GCSAM: variants seen among roughly 807,000 people sequenced by gnomAD.
GCSAM encodes the protein germinal center associated signaling and motility, also known as germinal center-associated signaling and motility protein.
GCSAM carries 8 observed loss-of-function variants against 17.6 expected under a neutral mutation model. That is an observed-to-expected ratio of 0.46 (90% confidence interval 0.27 to 0.82). The LOEUF is 0.82. GCSAM is among the 40% of genes least tolerant of loss of function. The pLI, the probability that GCSAM is intolerant of heterozygous loss-of-function variation, is 0.15. For missense variants in GCSAM, 192 were observed against 213.5 expected, an observed-to-expected ratio of 0.90 and a Z score of 0.63; for synonymous variants, 68 against 69.0, an observed-to-expected ratio of 0.98 and a Z score of 0.07.
intron 2 of GCSAM, 52 bp from the exon 3 acceptor site, chr3:112,128,113 G>A (rs370840712): frequency 1.2e-5 from 19 of 1,531,522 alleles, no homozygotes; most frequent in Middle Eastern, 3.4e-4. Flanking sequence ...CTGCAGCTTT[G>A]TTAAGGTGAC....
chr3:112,126,203 G>C (rs1398040289), intron 4 of GCSAM, among the ~76,000 whole-genome samples: 1 of 152,212 alleles, frequency 6.6e-6, no homozygotes, highest in Non-Finnish European at 1.5e-5. Flanking sequence ...CTGGAGTGAA[G>C]TGGCTAGGGT....
intron 1 of GCSAM, chr3:112,132,748 G>A (rs2074487435): frequency 1.2e-5 from 8 of 691,440 alleles, no homozygotes; most frequent in South Asian, 6.4e-5. Context: ...ACCTCCTTGT[G>A]GAGCATGAGG....
At chr3:112,124,683 CTA>C (rs1404878805) in intron 5 of GCSAM, among the ~76,000 whole-genome samples, 1 of 152,098 alleles carries the variant, frequency 6.6e-6, no homozygotes, top group Non-Finnish European at 1.5e-5. Flanking sequence ...TAATTACCCT[CTA>C]GAGATATTTA....
chr3:112,130,550 C>G (rs2074429339), intron 1 of GCSAM, 37 bp from the exon 2 acceptor site: 2 of 1,543,486 alleles, frequency 1.3e-6, no homozygotes, highest in Admixed American at 3.3e-5. Context: ...CTAAGTATTT[C>G]CTAAACAGGC....
intron 3 of GCSAM, 45 bp downstream of exon 3, chr3:112,127,972 A>T (rs1314202292): frequency 6.4e-7 from 1 of 1,566,608 alleles, no homozygotes; most frequent in Admixed American, 1.7e-5. Flanking sequence ...ACCACATTGA[A>T]ACCACACTTA....
Position 112,123,738 on chromosome 3 carries a change from C to T in GCSAM, c.254G>A (p.Cys85Tyr), listed in dbSNP as rs2074247551. The T allele has an allele frequency of 6.2e-7, 1 of 1,613,894 alleles. No homozygotes were observed. Among genetic ancestry groups the T allele is most frequent in the African/African-American group, 1.3e-5 (1 of 74,916 alleles). The part of the protein sequence containing the change: ...NVDQTYSEEL[C>Y]YTLINHRVLC... ...AACCCGATGATTGATGAGGGTATAGCACAGCTCCTCTGAGTAGGTCTGGTC... is the reference window on the plus strand; with the variant it reads ...AACCCGATGATTGATGAGGGTATAGTACAGCTCCTCTGAGTAGGTCTGGTC... The change falls in exon 6 of 6, where the codon TGC (cysteine) becomes TAC (tyrosine). Residue 85 changes from cysteine to tyrosine, a missense_variant. Transcript: ENST00000308910.
At chr3:112,128,652 G>T (rs1030694933) in intron 2 of GCSAM, 2 of 182,194 alleles carry the variant, frequency 1.1e-5, no homozygotes, top group Non-Finnish European at 2.3e-5. Flanking sequence ...TATGAATACA[G>T]AATGAATAGC....
rs1034043718 is a variant in GCSAM, at chr3:112,128,022, A to G, written c.138T>C (p.Leu46=). 2 of 1,613,554 alleles carry G rather than the reference A, an allele frequency of 1.2e-6. No individual in the cohort carries two copies. Among genetic ancestry groups the G allele is most frequent in the Non-Finnish European group, 1.7e-6 (2 of 1,179,526 alleles). The part of the protein sequence containing the change: ...DHHIAEGCFC[L]PWKKILIFEK... The stretch of plus-strand genomic sequence containing the variant: ...AAAAACAACTGTCCACTCACCATGG[A>G]AGGCAGAAACACCCTTCAGCGATAT... Residue 46 remains leucine, a synonymous_variant, in exon 3 of 6, where the codon CTT becomes CTC. Coordinates refer to ENST00000308910, the MANE Select transcript of GCSAM (RefSeq NM_152785.5).
At chr3:112,132,801 T>G in intron 1 of GCSAM, 1 of 405,336 alleles carries the variant, frequency 2.5e-6, no homozygotes. Context: ...AGAAAGTTGT[T>G]TCATTTCTTA....
Position 112,133,176 on chromosome 3 carries a change from T to G in GCSAM, c.-56A>C. 1 of 1,598,854 alleles carries G rather than the reference T, an allele frequency of 6.3e-7. No homozygotes were observed. The highest frequency in any genetic ancestry group is 8.6e-7 in the Non-Finnish European group (1 of 1,166,248). On this transcript the variant is annotated 5_prime_UTR_variant, in exon 1 of 6. Transcript: ENST00000308910. ...TCCCTTTACCACTTCCTTCTTGCCTTGTGCTCTGACAGGGCAACTCCTGAC... is the reference window on the plus strand; with the variant it reads ...TCCCTTTACCACTTCCTTCTTGCCTGGTGCTCTGACAGGGCAACTCCTGAC...
At chr3:112,127,954 C>T (rs560968903) in intron 3 of GCSAM, 63 bp downstream of exon 3, 9 of 1,422,686 alleles carry the variant, frequency 6.3e-6, no homozygotes, top group Admixed American at 1.7e-5. Flanking sequence ...AGGTAACTTA[C>T]AGCAAATACC....
Position 112,122,291 on chromosome 3 carries a change from A to C in GCSAM, c.*1164T>G, listed in dbSNP as rs561141565. ...TTTAGGGCCTATGGTCCATGTCACA[A>C]TTACTCAACTCTCCCATGGTTGAAC... On this transcript the variant is annotated 3_prime_UTR_variant, in exon 6 of 6. Coordinates refer to ENST00000308910, the MANE Select transcript of GCSAM (RefSeq NM_152785.5). The C allele has an allele frequency of 1.3e-5, 2 of 152,292 alleles. No individual in the cohort carries two copies. Among genetic ancestry groups the C allele is most frequent in the African/African-American group, 4.8e-5 (2 of 41,568 alleles). 9.4% of individuals were successfully genotyped at this position (152,292 alleles called of 1,614,324 possible). A position where few individuals can be genotyped will look rare whatever the true frequency, so the allele number is the denominator to read the frequency against.
Position 112,123,276 on chromosome 3 carries a change from T to C in GCSAM, c.*179A>G. ...TGTTGTTCAGGATAAATGGTTGATCTTTAGATTTTGGCTTTTGCGTGCTAA... is the reference window on the plus strand; with the variant it reads ...TGTTGTTCAGGATAAATGGTTGATCCTTAGATTTTGGCTTTTGCGTGCTAA... On this transcript the variant is annotated 3_prime_UTR_variant, in exon 6 of 6. Transcript: ENST00000308910. 8.6e-7 allele frequency: 1 copy of C among 1,157,352 alleles called. No individual in the cohort carries two copies. Among genetic ancestry groups the C allele is most frequent in the Non-Finnish European group, 1.2e-6 (1 of 844,822 alleles). The allele number at this position is 1,157,352 out of a possible 1,614,324, so 71.7% of individuals were successfully genotyped here. A position where few individuals can be genotyped will look rare whatever the true frequency, so the allele number is the denominator to read the frequency against.
At chr3:112,125,724 C>T (rs575635151) in intron 4 of GCSAM, among the ~76,000 whole-genome samples, 18 of 152,326 alleles carry the variant, frequency 1.2e-4, no homozygotes, top group African/African-American at 3.8e-4. Flanking sequence ...AGAGGGCCGT[C>T]GTTTCTACTC....
At chr3:112,128,872 C>T (rs901152388) in intron 2 of GCSAM, 5 of 152,294 alleles carry the variant, frequency 3.3e-5, no homozygotes, top group African/African-American at 1.2e-4. Context: ...AATGTGAAAG[C>T]CCTTTATAAA....
chr3:112,132,355 C>A (rs2107817786), intron 1 of GCSAM, among the ~76,000 whole-genome samples: 1 of 152,286 alleles, frequency 6.6e-6, no homozygotes, highest in Non-Finnish European at 1.5e-5. Flanking sequence ...CTTACTCTCT[C>A]TAGATCACCC....
At chr3:112,128,303 T>G in intron 2 of GCSAM, 1 of 660,676 alleles carries the variant, frequency 1.5e-6, no homozygotes, top group Non-Finnish European at 2.8e-6. Flanking sequence ...AAAGGAAAAA[T>G]GTTTCCTCAC....
chr3:112,130,197 A>G, intron 2 of GCSAM: 1 of 522,802 alleles, frequency 1.9e-6, no homozygotes, highest in Non-Finnish European at 3.4e-6. Context: ...ATAACAGGGC[A>G]TAACAGGGAC....
chr3:112,133,184 G>T lies in GCSAM; in HGVS notation c.-64C>A. 1 of 1,555,242 alleles carries T rather than the reference G, an allele frequency of 6.4e-7. No homozygotes were observed. Among genetic ancestry groups the T allele is most frequent in the South Asian group, 1.1e-5 (1 of 89,664 alleles). On this transcript the variant is annotated 5_prime_UTR_variant, in exon 1 of 6. Transcript: ENST00000308910. ...CCACTTCCTTCTTGCCTTGTGCTCTGACAGGGCAACTCCTGACTTAAAGAA... is the reference window on the plus strand; with the variant it reads ...CCACTTCCTTCTTGCCTTGTGCTCTTACAGGGCAACTCCTGACTTAAAGAA...
Sources: allele counts gnomAD v4.1 joint callset (sites outside exome capture counted in the v4.1 genomes callset), GRCh38; gene constraint gnomAD v4.1.1; transcripts MANE v1.5; gene names NCBI Gene and HGNC (gene_info 2026-07-23, HGNC 2026-07-21).